Variants in PRKCE observed in about 807,000 individuals in gnomAD.
The protein encoded by PRKCE is protein kinase C epsilon type.
PRKCE carries 16 observed loss-of-function variants against 85.4 expected under a neutral mutation model. The ratio of observed to expected loss-of-function variants is 0.19; its 90% CI spans 0.13 to 0.28. The LOEUF (loss-of-function observed/expected upper bound fraction) is 0.28. Ranked by LOEUF, PRKCE falls within the 10% of genes least tolerant of loss-of-function variation. The pLI is 1.00. For synonymous variants in PRKCE, 388 were observed against 371.5 expected (o/e 1.04, Z -0.51); for missense variants, 573 against 975.2 (o/e 0.59, Z 5.49).
intron 10 of PRKCE, among the ~76,000 whole-genome samples, chr2:46,021,719 A>G (rs944216175): frequency 6.6e-6 from 1 of 152,186 alleles, no homozygotes; most frequent in Non-Finnish European, 1.5e-5. Context: ...CTAAAACTAG[A>G]GGTCTAAGTT....
intron 1 of PRKCE, among the ~76,000 whole-genome samples, chr2:45,842,274 C>T (rs527909727): frequency 6.6e-6 from 1 of 152,172 alleles, no homozygotes; most frequent in East Asian, 1.9e-4. Context: ...CCTTGCATAC[C>T]TTCCCTTCCC....
intron 1 of PRKCE, among the ~76,000 whole-genome samples, chr2:45,687,615 TG>T (rs1677400085): frequency 6.6e-6 from 1 of 152,226 alleles, no homozygotes; most frequent in Non-Finnish European, 1.5e-5. Context: ...GAATATTTCT[TG>T]TAACATCTAA....
At chr2:45,752,154 A>G (rs1329466904) in intron 1 of PRKCE, among the ~76,000 whole-genome samples, 1 of 152,234 alleles carries the variant, frequency 6.6e-6, no homozygotes, top group Non-Finnish European at 1.5e-5. Context: ...TGAACATCAC[A>G]TGGAATAACT....
intron 11 of PRKCE, among the ~76,000 whole-genome samples, chr2:46,119,882 C>T (rs1356937443): frequency 6.6e-6 from 1 of 152,176 alleles, no homozygotes; most frequent in African/African-American, 2.4e-5. Flanking sequence ...CTGTTGAAGT[C>T]TGTAATGATA....
intron 1 of PRKCE, among the ~76,000 whole-genome samples, chr2:45,817,165 G>A (rs1007829312): frequency 1.3e-5 from 2 of 151,230 alleles, no homozygotes; most frequent in African/African-American, 2.4e-5. Flanking sequence ...ACGCTTTGCA[G>A]CCCTGCCTGC....
At chr2:46,163,706 C>A (rs996849996) in intron 14 of PRKCE, among the ~76,000 whole-genome samples, 4 of 140,650 alleles carry the variant, frequency 2.8e-5, no homozygotes, top group Non-Finnish European at 6.2e-5. Context: ...AGCTGAGGCA[C>A]ACCCCAAAGA....
chr2:45,716,560 A>G (rs1680106477), intron 1 of PRKCE, among the ~76,000 whole-genome samples: 1 of 147,052 alleles, frequency 6.8e-6, no homozygotes, highest in South Asian at 2.1e-4. Flanking sequence ...AAAGGAAGAA[A>G]AAGAAAGAAA....
chr2:45,777,705 G>T (rs780658631), intron 1 of PRKCE, among the ~76,000 whole-genome samples: 1 of 152,138 alleles, frequency 6.6e-6, no homozygotes, highest in Non-Finnish European at 1.5e-5. Flanking sequence ...AAGGTCATAC[G>T]GTTCGGGAAA....
intron 2 of PRKCE, among the ~76,000 whole-genome samples, chr2:45,899,627 C>T (rs1009435189): frequency 8.5e-5 from 13 of 152,186 alleles, no homozygotes; most frequent in African/African-American, 2.9e-4. Context: ...ATGCAATCTG[C>T]CTGCTTCGGC....
chr2:46,118,745 G>T (rs1412131741), intron 11 of PRKCE, among the ~76,000 whole-genome samples: 1 of 152,196 alleles, frequency 6.6e-6, no homozygotes, highest in Non-Finnish European at 1.5e-5. Flanking sequence ...TGAAGATAAA[G>T]CATAAGAATG....
At chr2:45,662,605 G>A (rs567296689) in intron 1 of PRKCE, among the ~76,000 whole-genome samples, 53 of 151,792 alleles carry the variant, frequency 3.5e-4, no homozygotes, top group African/African-American at 1.2e-3. Context: ...CCTTGGCTAC[G>A]GTTAACCTTC....
At chr2:45,758,460 G>T (rs539442706) in intron 1 of PRKCE, among the ~76,000 whole-genome samples, 23 of 152,302 alleles carry the variant, frequency 1.5e-4, no homozygotes, top group African/African-American at 5.5e-4. Flanking sequence ...ACTGCTTCTA[G>T]CTTGTCCCTA....
chr2:45,930,678 C>T (rs1384776686), intron 2 of PRKCE, among the ~76,000 whole-genome samples: 1 of 152,230 alleles, frequency 6.6e-6, no homozygotes, highest in African/African-American at 2.4e-5. Flanking sequence ...ATTTATTGCA[C>T]CTAGAATCCA....
At chr2:45,788,980 T>C (rs956272875) in intron 1 of PRKCE, among the ~76,000 whole-genome samples, 5 of 152,212 alleles carry the variant, frequency 3.3e-5, no homozygotes, top group Admixed American at 6.5e-5. Context: ...ATCAGAATCT[T>C]TGGAGATGTG....
At chr2:45,877,376 C>G (rs1457111321) in intron 2 of PRKCE, among the ~76,000 whole-genome samples, 1 of 151,632 alleles carries the variant, frequency 6.6e-6, no homozygotes, top group Non-Finnish European at 1.5e-5. Flanking sequence ...GTTATCTCTT[C>G]TCTCTCTGGG....
intron 1 of PRKCE, among the ~76,000 whole-genome samples, chr2:45,692,783 A>T (rs1190872367): frequency 1.3e-5 from 2 of 151,944 alleles, no homozygotes; most frequent in Non-Finnish European, 2.9e-5. Context: ...CTAAACACAC[A>T]TCTATCACAT....
At chr2:45,811,078 AC>A (rs1334191136) in intron 1 of PRKCE, among the ~76,000 whole-genome samples, 2 of 152,236 alleles carry the variant, frequency 1.3e-5, no homozygotes, top group African/African-American at 4.8e-5. Flanking sequence ...AGATTTAGTC[AC>A]ATGGTCACAC....
chr2:46,144,328 A>C (rs538819509), intron 11 of PRKCE, among the ~76,000 whole-genome samples: 7 of 152,198 alleles, frequency 4.6e-5, no homozygotes, highest in Non-Finnish European at 1.0e-4. Context: ...CATTGTGCTC[A>C]TGCAGGCAGG....
At chr2:46,131,249 G>A (rs1674419389) in intron 11 of PRKCE, among the ~76,000 whole-genome samples, 1 of 152,198 alleles carries the variant, frequency 6.6e-6, no homozygotes, top group Non-Finnish European at 1.5e-5. Flanking sequence ...GTGGCCTTCA[G>A]GAGGGCCCTG....
Sources: allele counts gnomAD v4.1 joint callset (sites outside exome capture counted in the v4.1 genomes callset), GRCh38; gene constraint gnomAD v4.1.1; transcripts MANE v1.5; gene names NCBI Gene and HGNC (gene_info 2026-07-23, HGNC 2026-07-21).